Variants in IQCJ observed in about 807,000 individuals in gnomAD.
IQCJ encodes the protein IQ motif containing J, also known as IQ domain-containing protein J.
Under a neutral mutation model 11.0 loss-of-function variants are expected in IQCJ, and 9 were observed. The observed-to-expected ratio is 0.82, with a 90% confidence interval of 0.49 to 1.43. The LOEUF (loss-of-function observed/expected upper bound fraction) is 1.43. IQCJ is among the 40% of genes most tolerant of loss of function. The pLI is 0.00. For missense variants in IQCJ, 146 were observed against 133.2 expected (o/e 1.10, Z -0.47); for synonymous variants, 55 against 51.3 (o/e 1.07, Z -0.31).
intron 1 of IQCJ, among the ~76,000 whole-genome samples, chr3:159,136,032 C>T (rs1395595067): frequency 6.6e-6 from 1 of 151,968 alleles, no homozygotes; most frequent in Non-Finnish European, 1.5e-5. Context: ...ATCAGGATTG[C>T]ACAGAGTGCT....
intron 1 of IQCJ, among the ~76,000 whole-genome samples, chr3:159,192,983 C>G (rs1377243883): frequency 6.6e-6 from 1 of 152,200 alleles, no homozygotes; most frequent in Non-Finnish European, 1.5e-5. Flanking sequence ...AAGATCCATT[C>G]TAGTTTCCTC....
intron 1 of IQCJ, among the ~76,000 whole-genome samples, chr3:159,206,730 C>G (rs905652674): frequency 7.2e-5 from 11 of 152,140 alleles, no homozygotes; most frequent in African/African-American, 2.7e-4. Flanking sequence ...ATGAGCTACC[C>G]CATATCCTTT....
At chr3:159,094,719 T>C (rs1334373375) in intron 1 of IQCJ, among the ~76,000 whole-genome samples, 3 of 151,840 alleles carry the variant, frequency 2.0e-5, no homozygotes, top group African/African-American at 4.9e-5. Flanking sequence ...GTAAAAGATG[T>C]GTGATCTCTA....
At chr3:159,204,495 G>A (rs942330846) in intron 1 of IQCJ, among the ~76,000 whole-genome samples, 10 of 152,124 alleles carry the variant, frequency 6.6e-5, no homozygotes, top group African/African-American at 2.4e-4. Flanking sequence ...TTTCTTATGT[G>A]GTGTCTGGCT....
intron 1 of IQCJ, among the ~76,000 whole-genome samples, chr3:159,145,958 CAAGT>C: frequency 6.6e-6 from 1 of 152,086 alleles, no homozygotes. Context: ...TCGGAGCCAA[CAAGT>C]AGCTATTTCT....
At chr3:159,156,352 G>A (rs957411830) in intron 1 of IQCJ, among the ~76,000 whole-genome samples, 2 of 152,146 alleles carry the variant, frequency 1.3e-5, no homozygotes, top group Admixed American at 1.3e-4. Flanking sequence ...GCATTGATGG[G>A]GGCCCTGTGC....
chr3:159,250,776 G>A (rs1322675297), intron 2 of IQCJ, among the ~76,000 whole-genome samples: 1 of 152,160 alleles, frequency 6.6e-6, no homozygotes, highest in Non-Finnish European at 1.5e-5. Flanking sequence ...ACAATCCAAG[G>A]TGAGATTTGG....
intron 1 of IQCJ, among the ~76,000 whole-genome samples, chr3:159,087,834 G>T (rs1476874538): frequency 6.6e-6 from 1 of 151,220 alleles, no homozygotes; most frequent in Middle Eastern, 3.4e-3. Context: ...TCTTGCTAGT[G>T]GTCTATCAAT....
intron 1 of IQCJ, among the ~76,000 whole-genome samples, chr3:159,177,325 G>A (rs1322768226): frequency 6.6e-6 from 1 of 152,098 alleles, no homozygotes; most frequent in Admixed American, 6.6e-5. Context: ...CTGGGTGACT[G>A]CATGCCTATT....
At chr3:159,112,384 A>G (rs896751822) in intron 1 of IQCJ, among the ~76,000 whole-genome samples, 2 of 152,152 alleles carry the variant, frequency 1.3e-5, no homozygotes, top group African/African-American at 4.8e-5. Flanking sequence ...AGTACATTCA[A>G]TCAGTTTTCT....
At chr3:159,141,844 T>C (rs1720623562) in intron 1 of IQCJ, among the ~76,000 whole-genome samples, 1 of 152,242 alleles carries the variant, frequency 6.6e-6, no homozygotes, top group Non-Finnish European at 1.5e-5. Flanking sequence ...TTATATTGTC[T>C]TATTTATCTA....
chr3:159,219,904 GA>G (rs1560030379), intron 1 of IQCJ, among the ~76,000 whole-genome samples: 1 of 152,114 alleles, frequency 6.6e-6, no homozygotes, highest in South Asian at 2.1e-4. Context: ...GGAGAAAGCC[GA>G]CTTAAGTGGG....
At chr3:159,180,539 A>G (rs1030128732) in intron 1 of IQCJ, among the ~76,000 whole-genome samples, 3 of 152,114 alleles carry the variant, frequency 2.0e-5, no homozygotes, top group Non-Finnish European at 4.4e-5. Context: ...AGTATAGTAA[A>G]TGGATGAATA....
chr3:159,073,025 TGGG>T lies in IQCJ; in HGVS notation c.9+3586_9+3588del, dbSNP rs367619322. The stretch of plus-strand genomic sequence containing the variant: ...TGGTTTATTTGAGAGTAAAGACAAA[TGGG>T]GAAGGAAGCAAAATTGGGCAGGGAG... On this transcript the variant is annotated intron_variant, in intron 1 of 3. Coordinates refer to ENST00000397832, the MANE Select transcript of IQCJ (RefSeq NM_001042706.3). 8.5e-4 allele frequency among the ~76,000 whole-genome samples: 129 copies of T among 152,048 alleles called. 1 individual carries two copies. The highest frequency in any genetic ancestry group is 3.0e-3 in the African/African-American group (124 of 41,482).
intron 1 of IQCJ, among the ~76,000 whole-genome samples, chr3:159,148,382 A>G (rs2108196673): frequency 6.6e-6 from 1 of 152,354 alleles, no homozygotes; most frequent in Non-Finnish European, 1.5e-5. Context: ...TGTATTAAGT[A>G]AGCAAACTTG....
At chr3:159,076,369 A>G (rs1715918116) in intron 1 of IQCJ, among the ~76,000 whole-genome samples, 1 of 152,174 alleles carries the variant, frequency 6.6e-6, no homozygotes, top group Non-Finnish European at 1.5e-5. Flanking sequence ...TTAAATATAC[A>G]TGAATATTCC....
chr3:159,082,244 T>G (rs1716363424), intron 1 of IQCJ, among the ~76,000 whole-genome samples: 1 of 152,006 alleles, frequency 6.6e-6, no homozygotes, highest in African/African-American at 2.4e-5. Flanking sequence ...TATATGAAAA[T>G]TATAACATCA....
At chr3:159,235,379 A>G (rs1726516303) in intron 1 of IQCJ, among the ~76,000 whole-genome samples, 1 of 152,204 alleles carries the variant, frequency 6.6e-6, no homozygotes, top group Non-Finnish European at 1.5e-5. Flanking sequence ...TCTTCATTCT[A>G]TAATGATAGT....
chr3:159,264,599 T>G (rs559549957), downstream of IQCJ, among the ~76,000 whole-genome samples: 4 of 152,242 alleles, frequency 2.6e-5, no homozygotes, highest in South Asian at 8.3e-4. Flanking sequence ...CTGTATTCAG[T>G]GAATGGCAGT....
Sources: gnomAD v4.1 joint callset for allele counts (sites outside exome capture counted in the v4.1 genomes callset) on GRCh38, gnomAD v4.1.1 for gene constraint, MANE v1.5 for transcripts, NCBI Gene and HGNC (gene_info 2026-07-23, HGNC 2026-07-21) for gene names.